Variants in TMCO5A observed in about 807,000 individuals in gnomAD.
TMCO5A encodes transmembrane and coiled-coil domains 5A, also known as transmembrane and coiled-coil domain-containing protein 5A.
A neutral mutation model predicts 42.3 loss-of-function variants in TMCO5A; 34 were observed. The ratio of observed to expected loss-of-function variants is 0.80; its 90% CI spans 0.61 to 1.07. TMCO5A has a LOEUF of 1.07. TMCO5A is among the 50% of genes least tolerant of loss of function. The pLI is 0.00. For missense variants in TMCO5A, 357 were observed against 327.9 expected, an observed-to-expected ratio of 1.09 and a Z score of -0.69; for synonymous variants, 131 against 115.6, an observed-to-expected ratio of 1.13 and a Z score of -0.86.
chr15:37,936,759 T>C, intron 3 of TMCO5A, 88 bp from the exon 4 acceptor site: 1 of 1,558,282 alleles, frequency 6.4e-7, no homozygotes, highest in Non-Finnish European at 8.7e-7. Context: ...ACACTGTCCC[T>C]GAAGTTCCCT....
At chr15:37,955,204 A>G (rs2140802875), downstream of TMCO5A, among the ~76,000 whole-genome samples, 1 of 151,160 alleles carries the variant, frequency 6.6e-6, no homozygotes, top group South Asian at 2.1e-4. Flanking sequence ...AAAGAAACAC[A>G]CTTCAGGCAA....
chr15:38,031,725 G>A, the TMCO5A span, among the ~76,000 whole-genome samples: 1 of 152,100 alleles, frequency 6.6e-6, no homozygotes, highest in Admixed American at 6.5e-5. Flanking sequence ...AAAATCACCA[G>A]CTAAGCCACT....
the TMCO5A span, among the ~76,000 whole-genome samples, chr15:38,005,911 T>C: frequency 3.0e-4 from 46 of 152,326 alleles, no homozygotes; most frequent in African/African-American, 1.1e-3. Flanking sequence ...TGAACAGCAA[T>C]AACGGAGGTT....
rs570651958 is a variant in TMCO5A at position 37,966,286 on chromosome 15, GT to G, written c.669-328del. Reference sequence around the variant, plus strand: ...GGCAGGGAGGTGAGAATGCTTAGTGGTTTTTTTTTTTAAGTAAGACCTAGTA... The same window carrying G: ...GGCAGGGAGGTGAGAATGCTTAGTGGTTTTTTTTTTAAGTAAGACCTAGTA... On this transcript the variant is annotated intron_variant, in intron 11 of 11. Coordinates refer to the TMCO5A transcript ENST00000559502. Among the ~76,000 whole-genome samples the G allele has an allele frequency of 5.6e-3, 821 of 146,542 alleles. 12 individuals carry two copies. The highest frequency in any genetic ancestry group is 0.018 in the African/African-American group (738 of 40,202).
chr15:38,031,079 C>T, the TMCO5A span, among the ~76,000 whole-genome samples: 12 of 152,262 alleles, frequency 7.9e-5, no homozygotes, highest in East Asian at 2.1e-3. Flanking sequence ...TAAATATTGG[C>T]TGAATTAGCA....
chr15:38,005,241 C>T, the TMCO5A span, among the ~76,000 whole-genome samples: 1 of 130,228 alleles, frequency 7.7e-6, no homozygotes, highest in African/African-American at 2.9e-5. Flanking sequence ...AGACAGATAA[C>T]TTTTGGAAAA....
At chr15:38,034,459 C>T in the TMCO5A span, among the ~76,000 whole-genome samples, 4 of 152,216 alleles carry the variant, frequency 2.6e-5, no homozygotes, top group South Asian at 4.1e-4. Flanking sequence ...TAAGCTTCAT[C>T]GTGCTGCATT....
At chr15:38,024,972 C>T in the TMCO5A span, 1 of 152,424 alleles carries the variant, frequency 6.6e-6, no homozygotes, top group Non-Finnish European at 1.5e-5. Flanking sequence ...TGATCTTGGA[C>T]TTCCCAGCCT....
chr15:37,993,238 T>C, the TMCO5A span, among the ~76,000 whole-genome samples: 3 of 152,148 alleles, frequency 2.0e-5, no homozygotes, highest in African/African-American at 7.2e-5. Flanking sequence ...TTCTGTTTTT[T>C]TTTAAATGGG....
chr15:37,950,338 T>C lies in TMCO5A; in HGVS notation c.669-698T>C, dbSNP rs183330029. 6.3e-3 allele frequency among the ~76,000 whole-genome samples: 953 copies of C among 152,260 alleles called. 10 individuals are homozygous for C. Among genetic ancestry groups the C allele is most frequent in the African/African-American group, 0.022 (896 of 41,568 alleles). On this transcript the variant is annotated intron_variant, in intron 11 of 11. Transcript: ENST00000319669. Reference sequence around the variant, plus strand: ...AGGACACAGAAAGCATCGATCCTAATTAAAGAAAAGATGGACAAACTAGAC... The same window carrying C: ...AGGACACAGAAAGCATCGATCCTAACTAAAGAAAAGATGGACAAACTAGAC...
chr15:37,937,303 T>G (rs1257693858), intron 4 of TMCO5A, 43 bp from the exon 5 acceptor site: 1 of 1,604,634 alleles, frequency 6.2e-7, no homozygotes. Context: ...TAAGAACAGA[T>G]GGAGTACAGA....
At chr15:38,013,366 T>A in the TMCO5A span, among the ~76,000 whole-genome samples, 1 of 151,966 alleles carries the variant, frequency 6.6e-6, no homozygotes, top group East Asian at 1.9e-4. Context: ...CCCCCTCTAG[T>A]GTTCCTCTAT....
chr15:38,013,537 C>A, the TMCO5A span, among the ~76,000 whole-genome samples: 1 of 152,110 alleles, frequency 6.6e-6, no homozygotes, highest in South Asian at 2.1e-4. Flanking sequence ...GTGATAGGAG[C>A]TCTAATCTCA....
At chr15:37,955,377 A>G (rs947202676), downstream of TMCO5A, among the ~76,000 whole-genome samples, 1 of 152,018 alleles carries the variant, frequency 6.6e-6, no homozygotes, top group Admixed American at 6.6e-5. Flanking sequence ...CGAAAAGCTC[A>G]GGACCTGATG....
At chr15:37,997,692 A>G in the TMCO5A span, among the ~76,000 whole-genome samples, 1 of 152,298 alleles carries the variant, frequency 6.6e-6, no homozygotes, top group East Asian at 1.9e-4. Flanking sequence ...ATATTTCTTC[A>G]GTACACTCAT....
chr15:38,012,744 C>T, the TMCO5A span, among the ~76,000 whole-genome samples: 1 of 152,122 alleles, frequency 6.6e-6, no homozygotes. Context: ...AGCTTGGTCC[C>T]ATGCAGAACA....
At chr15:37,998,630 G>T in the TMCO5A span, among the ~76,000 whole-genome samples, 1 of 152,086 alleles carries the variant, frequency 6.6e-6, no homozygotes. Flanking sequence ...GTCAAGCAAT[G>T]AAGTTCCTCC....
chr15:38,039,374 A>G, the TMCO5A span, among the ~76,000 whole-genome samples: 5 of 152,368 alleles, frequency 3.3e-5, no homozygotes, highest in African/African-American at 1.2e-4. Flanking sequence ...ACAGTATAAC[A>G]TAAGCTATAT....
the TMCO5A span, among the ~76,000 whole-genome samples, chr15:37,985,074 A>G: frequency 6.6e-6 from 1 of 151,900 alleles, no homozygotes; most frequent in East Asian, 1.9e-4. Context: ...AAACAACAGA[A>G]CAGAACATAG....
Sources: gnomAD v4.1 joint callset for allele counts (sites outside exome capture counted in the v4.1 genomes callset) on GRCh38, gnomAD v4.1.1 for gene constraint, MANE v1.5 for transcripts, NCBI Gene and HGNC (gene_info 2026-07-23, HGNC 2026-07-21) for gene names.